Variants in PCDH15 observed in about 807,000 individuals in gnomAD.
The protein encoded by PCDH15 is protocadherin-15.
In PCDH15, 129 loss-of-function variants were observed where a neutral mutation model predicts 178.5. The ratio of observed to expected loss-of-function variants is 0.72; its 90% CI spans 0.63 to 0.84. PCDH15 has a LOEUF of 0.84. PCDH15 is among the 40% of genes least tolerant of loss of function. The probability of loss-of-function intolerance (pLI) is 0.00; values close to 1 mark genes in which losing one functional copy is unlikely to be tolerated. For missense variants in PCDH15, 2,230 were observed against 2,099.9 expected, an observed-to-expected ratio of 1.06 and a Z score of -1.21; for synonymous variants, 800 against 732.0, an observed-to-expected ratio of 1.09 and a Z score of -1.50.
intron 18 of PCDH15, among the ~76,000 whole-genome samples, chr10:54,064,380 G>C (rs554751948): frequency 6.6e-6 from 1 of 152,260 alleles, no homozygotes; most frequent in East Asian, 1.9e-4. Flanking sequence ...CCCGGTAAAA[G>C]CACCGTAAGT....
At chr10:54,914,317 GCTCT>G (rs1403091815) in intron 2 of PCDH15, among the ~76,000 whole-genome samples, 4 of 152,130 alleles carry the variant, frequency 2.6e-5, no homozygotes, top group South Asian at 2.1e-4. Flanking sequence ...CTTCCTGTTT[GCTCT>G]CTCTTTTTCC....
intron 2 of PCDH15, among the ~76,000 whole-genome samples, chr10:55,397,898 C>T (rs918262536): frequency 3.3e-5 from 5 of 151,930 alleles, no homozygotes; most frequent in Admixed American, 6.6e-5. Context: ...CTGTATACTG[C>T]CTTTTACATT....
At chr10:54,314,378 C>A (rs1230049349) in intron 8 of PCDH15, among the ~76,000 whole-genome samples, 1 of 151,956 alleles carries the variant, frequency 6.6e-6, no homozygotes, top group African/African-American at 2.4e-5. Flanking sequence ...ATAGAGCAAA[C>A]CCACCCTCTT....
intron 1 of PCDH15, among the ~76,000 whole-genome samples, chr10:55,193,843 A>G (rs1002348266): frequency 6.6e-6 from 1 of 151,982 alleles, no homozygotes. Flanking sequence ...AGGTTAATAT[A>G]GACATATTGA....
At chr10:54,458,263 T>A (rs2076950831) in intron 3 of PCDH15, among the ~76,000 whole-genome samples, 1 of 151,472 alleles carries the variant, frequency 6.6e-6, no homozygotes, top group African/African-American at 2.5e-5. Flanking sequence ...CCATGGAGAA[T>A]TACTTTTATT....
chr10:54,427,990 A>C (rs919004342), intron 3 of PCDH15, among the ~76,000 whole-genome samples: 1 of 152,174 alleles, frequency 6.6e-6, no homozygotes, highest in Non-Finnish European at 1.5e-5. Flanking sequence ...AAAAACAACA[A>C]AATTAAAAAC....
At chr10:55,047,790 A>C (rs1841049961) in intron 2 of PCDH15, among the ~76,000 whole-genome samples, 1 of 151,532 alleles carries the variant, frequency 6.6e-6, no homozygotes, top group South Asian at 2.1e-4. Flanking sequence ...ACTTTTTTTC[A>C]GTTTTAGAAT....
intron 25 of PCDH15, among the ~76,000 whole-genome samples, chr10:53,932,681 G>A (rs181702743): frequency 2.0e-5 from 3 of 152,214 alleles, no homozygotes; most frequent in Non-Finnish European, 2.9e-5. Context: ...TTTAATTCGC[G>A]TGACCATTTT....
At chr10:54,007,930 G>A (rs781440288) in intron 20 of PCDH15, among the ~76,000 whole-genome samples, 1 of 152,064 alleles carries the variant, frequency 6.6e-6, no homozygotes, top group South Asian at 2.1e-4. Flanking sequence ...ACCAAGTATA[G>A]ACAATTTGAA....
intron 2 of PCDH15, among the ~76,000 whole-genome samples, chr10:55,032,973 T>C (rs1279583856): frequency 6.6e-6 from 1 of 152,164 alleles, no homozygotes; most frequent in African/African-American, 2.4e-5. Context: ...GGTGGCCCAG[T>C]TGTGCCTGAA....
At chr10:55,258,280 G>A (rs1015878066) in intron 1 of PCDH15, among the ~76,000 whole-genome samples, 7 of 152,146 alleles carry the variant, frequency 4.6e-5, no homozygotes, top group Admixed American at 4.6e-4. Context: ...GTTTTTGAAT[G>A]ACCCAGGCAT....
At chr10:55,007,956 C>T (rs1839971265) in intron 2 of PCDH15, among the ~76,000 whole-genome samples, 1 of 152,026 alleles carries the variant, frequency 6.6e-6, no homozygotes, top group African/African-American at 2.4e-5. Context: ...TTATAAAAGA[C>T]ATTTTAGAAT....
At chr10:54,225,861 T>C (rs7068210) in intron 9 of PCDH15, among the ~76,000 whole-genome samples, 114,828 of 152,112 alleles carry the variant, frequency 0.75, 44,636 homozygotes, top group African/African-American at 0.86. Context: ...CTTTATATAC[T>C]GACTGACACT....
intron 5 of PCDH15, among the ~76,000 whole-genome samples, chr10:54,355,923 G>C (rs973566635): frequency 6.6e-6 from 1 of 151,900 alleles, no homozygotes; most frequent in Admixed American, 6.6e-5. Flanking sequence ...AAGAAATATA[G>C]CCAACCACAG....
chr10:55,349,974 T>C (rs76156039), intron 2 of PCDH15, among the ~76,000 whole-genome samples: 1,910 of 151,848 alleles, frequency 0.013, 32 homozygotes, highest in African/African-American at 0.044. Context: ...CCATGATATA[T>C]ATAATCTGGT....
chr10:54,387,380 A>C (rs960487779), intron 3 of PCDH15, among the ~76,000 whole-genome samples: 2 of 152,200 alleles, frequency 1.3e-5, no homozygotes, highest in African/African-American at 4.8e-5. Context: ...ACACAAAAGG[A>C]ATATTATTCA....
intron 1 of PCDH15, among the ~76,000 whole-genome samples, chr10:54,793,846 A>C (rs1951684162): frequency 6.7e-6 from 1 of 149,280 alleles, no homozygotes; most frequent in African/African-American, 2.4e-5. Flanking sequence ...GAATCAGTAA[A>C]TCAAAAGATA....
intron 2 of PCDH15, among the ~76,000 whole-genome samples, chr10:55,414,813 G>C (rs2132038638): frequency 6.6e-6 from 1 of 150,506 alleles, no homozygotes; most frequent in South Asian, 2.1e-4. Flanking sequence ...GTCTGTGTGT[G>C]TGTGTTGTGT....
chr10:55,422,488 G>A (rs902918111), intron 2 of PCDH15, among the ~76,000 whole-genome samples: 5 of 151,778 alleles, frequency 3.3e-5, no homozygotes, highest in Non-Finnish European at 5.9e-5. Context: ...TGACAAAGTA[G>A]GCAAGTAGTC....
Sources: allele counts gnomAD v4.1 joint callset (sites outside exome capture counted in the v4.1 genomes callset), GRCh38; gene constraint gnomAD v4.1.1; transcripts MANE v1.5; gene names NCBI Gene and HGNC (gene_info 2026-07-23, HGNC 2026-07-21).